ZBTB20: variants seen among roughly 807,000 people sequenced by gnomAD.
ZBTB20 encodes the protein zinc finger and BTB domain containing 20, also known as zinc finger and BTB domain-containing protein 20.
A neutral mutation model predicts 56.9 loss-of-function variants in ZBTB20; 9 were observed. The ratio of observed to expected loss-of-function variants is 0.16; its 90% confidence interval spans 0.10 to 0.28. The LOEUF is 0.28. ZBTB20 is among the 10% of genes least tolerant of loss of function. ZBTB20 has a pLI of 1.00. For missense variants in ZBTB20, 655 were observed against 1,003.0 expected (o/e 0.65, Z 4.69); for synonymous variants, 417 against 420.7 (o/e 0.99, Z 0.11).
chr3:114,358,052 A>T (rs2081430482), intron 10 of ZBTB20, among the ~76,000 whole-genome samples: 1 of 152,318 alleles, frequency 6.6e-6, no homozygotes, highest in South Asian at 2.1e-4. Context: ...GTCCCTTTTG[A>T]CAGTTAAGAC....
intron 1 of ZBTB20, among the ~76,000 whole-genome samples, chr3:115,092,962 A>T (rs560124958): frequency 6.6e-6 from 1 of 152,150 alleles, no homozygotes; most frequent in Non-Finnish European, 1.5e-5. Context: ...ACTTTTAGAT[A>T]GAAAATGCAA....
intron 4 of ZBTB20, among the ~76,000 whole-genome samples, chr3:114,871,280 G>A (rs75060192): frequency 0.023 from 3,569 of 152,086 alleles, 50 homozygotes; most frequent in South Asian, 0.051. Flanking sequence ...ACAAATCAGG[G>A]CAATCTATGA....
intron 5 of ZBTB20, among the ~76,000 whole-genome samples, chr3:114,756,100 A>AT (rs1211105343): frequency 6.6e-6 from 1 of 151,784 alleles, no homozygotes; most frequent in Non-Finnish European, 1.5e-5. Flanking sequence ...ATTTATGTTT[A>AT]TTTTTTCATT....
intron 6 of ZBTB20, among the ~76,000 whole-genome samples, chr3:114,657,891 A>G (rs2060499764): frequency 1.3e-5 from 2 of 152,100 alleles, no homozygotes; most frequent in African/African-American, 4.8e-5. Flanking sequence ...TTTGTCCTGA[A>G]ACAGTACAAG....
chr3:114,587,158 G>A (rs925277796), intron 6 of ZBTB20, among the ~76,000 whole-genome samples: 20 of 151,522 alleles, frequency 1.3e-4, no homozygotes, highest in Admixed American at 1.3e-4. Context: ...CACCACACCC[G>A]GCTAATTTTT....
chr3:114,572,012 G>C (rs994758393), intron 6 of ZBTB20, among the ~76,000 whole-genome samples: 12 of 151,666 alleles, frequency 7.9e-5, no homozygotes, highest in African/African-American at 2.9e-4. Flanking sequence ...ATGGCCCAAG[G>C]GCTTAGCTAG....
intron 1 of ZBTB20, chr3:115,102,487 T>C (rs1454161152): frequency 6.6e-6 from 1 of 152,126 alleles, no homozygotes; most frequent in Non-Finnish European, 1.5e-5. Context: ...AATTAGATAT[T>C]TGTATTTTCT....
intron 2 of ZBTB20, among the ~76,000 whole-genome samples, chr3:115,010,580 A>G (rs1351142980): frequency 3.3e-5 from 5 of 152,004 alleles, no homozygotes. Flanking sequence ...CAAGAACCAC[A>G]GTGTTATTAG....
At chr3:114,419,779 A>G (rs1559765237) in intron 7 of ZBTB20, among the ~76,000 whole-genome samples, 1 of 152,146 alleles carries the variant, frequency 6.6e-6, no homozygotes. Context: ...ATGAAATCCG[A>G]AAGAAGAGAA....
At chr3:115,005,422 AAC>A (rs2079424534) in intron 2 of ZBTB20, among the ~76,000 whole-genome samples, 1 of 151,766 alleles carries the variant, frequency 6.6e-6, no homozygotes, top group African/African-American at 2.4e-5. Context: ...TTGAAAACCA[AAC>A]AGTTTATATC....
At chr3:115,077,692 T>A (rs1182272568) in intron 1 of ZBTB20, among the ~76,000 whole-genome samples, 2 of 152,196 alleles carry the variant, frequency 1.3e-5, no homozygotes, top group African/African-American at 4.8e-5. Context: ...CAATGAGGAA[T>A]TGCCTCACAC....
At chr3:114,928,056 C>A (rs1374488863) in intron 3 of ZBTB20, among the ~76,000 whole-genome samples, 1 of 152,236 alleles carries the variant, frequency 6.6e-6, no homozygotes. Context: ...CAGGTCCCTT[C>A]ACCTATCTAG....
intron 4 of ZBTB20, among the ~76,000 whole-genome samples, chr3:114,806,442 C>T (rs954834937): frequency 6.6e-6 from 1 of 151,808 alleles, no homozygotes; most frequent in African/African-American, 2.4e-5. Flanking sequence ...AGCTGGGTTG[C>T]TTGTCTTTTT....
At chr3:114,479,323 G>T (rs1425001237) in intron 7 of ZBTB20, among the ~76,000 whole-genome samples, 1 of 152,118 alleles carries the variant, frequency 6.6e-6, no homozygotes, top group African/African-American at 2.4e-5. Context: ...GTAAATAATA[G>T]AAGTATGTTG....
intron 6 of ZBTB20, among the ~76,000 whole-genome samples, chr3:114,544,333 A>G (rs1159960405): frequency 6.6e-6 from 1 of 152,194 alleles, no homozygotes; most frequent in Non-Finnish European, 1.5e-5. Flanking sequence ...TGAAGAACAA[A>G]TCTATTTAAG....
chr3:114,814,094 T>C (rs924393949), intron 4 of ZBTB20, among the ~76,000 whole-genome samples: 7 of 151,826 alleles, frequency 4.6e-5, no homozygotes, highest in African/African-American at 1.7e-4. Context: ...ATAAGCATTG[T>C]ATTTCTTTAA....
intron 4 of ZBTB20, among the ~76,000 whole-genome samples, chr3:114,824,311 T>C (rs998437726): frequency 3.9e-5 from 6 of 151,970 alleles, no homozygotes; most frequent in African/African-American, 1.4e-4. Context: ...GAAACTTTGA[T>C]ACAAAACATA....
intron 3 of ZBTB20, among the ~76,000 whole-genome samples, chr3:114,938,218 T>C (rs1235117433): frequency 2.0e-5 from 3 of 146,496 alleles, no homozygotes; most frequent in Non-Finnish European, 4.4e-5. Flanking sequence ...TCCCATTCTG[T>C]AAGTCGCCTG....
intron 1 of ZBTB20, among the ~76,000 whole-genome samples, chr3:115,141,609 T>C (rs2084813227): frequency 2.0e-5 from 3 of 152,198 alleles, no homozygotes; most frequent in Admixed American, 6.5e-5. Context: ...ACTGACCCAG[T>C]GCATATTCAA....
Sources: gnomAD v4.1 joint callset for allele counts (sites outside exome capture counted in the v4.1 genomes callset) on GRCh38, gnomAD v4.1.1 for gene constraint, MANE v1.5 for transcripts, NCBI Gene and HGNC (gene_info 2026-07-23, HGNC 2026-07-21) for gene names.